COL27A1: variants seen among roughly 807,000 people sequenced by gnomAD.
The protein encoded by COL27A1 is collagen type XXVII alpha 1 chain.
In COL27A1, 106 loss-of-function variants were observed where a neutral mutation model predicts 251.3. The observed-to-expected ratio is 0.42, with a 90% CI of 0.36 to 0.50. COL27A1 has a LOEUF of 0.50. Among genes scored for constraint, COL27A1 ranks in the 20% least tolerant of loss-of-function variants. The pLI, the probability that COL27A1 is intolerant of heterozygous loss-of-function variation, is 0.00. For synonymous variants in COL27A1, 1,000 were observed against 986.3 expected (o/e 1.01, Z -0.26); for missense variants, 2,325 against 2,522.8 (o/e 0.92, Z 1.68).
chr9:114,278,170 G>GTGT (rs1024287874), intron 37 of COL27A1, among the ~76,000 whole-genome samples: 16 of 151,286 alleles, frequency 1.1e-4, no homozygotes, highest in African/African-American at 3.6e-4. Context: ...TGAGTGGATG[G>GTGT]TGTGGGTGGG....
intron 25 of COL27A1, 91 bp downstream of exon 25, chr9:114,250,759 A>C: frequency 8.9e-7 from 1 of 1,128,598 alleles, no homozygotes; most frequent in Non-Finnish European, 1.3e-6. Flanking sequence ...TGGGGATTTC[A>C]GAATACCCTC....
In COL27A1 at chr9:114,237,602, G is replaced by A. The variant is rs747567224; in HGVS notation, c.2674-60G>A. 34 of 1,387,148 alleles carry A rather than the reference G, an allele frequency of 2.5e-5. No homozygotes were observed. The East Asian group carries it at 5.5e-4, about 22-fold the overall frequency. The allele number at this position is 1,387,148 out of a possible 1,614,324, so 85.9% of individuals were successfully genotyped here. ...ATCCACAACCAGCGGGGGAACGCAG[G>A]GGGTTCATGGAAGGTGGGGTCCTCA... On this transcript the variant is annotated intron_variant, in intron 18 of 60. Coordinates refer to ENST00000356083, the MANE Select transcript of COL27A1 (RefSeq NM_032888.4).
chr9:114,173,523 A>C (rs1288784163), intron 3 of COL27A1, among the ~76,000 whole-genome samples: 1 of 152,228 alleles, frequency 6.6e-6, no homozygotes, highest in East Asian at 1.9e-4. Flanking sequence ...CCATTCCCTT[A>C]TTCAGCCATC....
intron 37 of COL27A1, among the ~76,000 whole-genome samples, chr9:114,276,765 G>A (rs73548906): frequency 0.023 from 3,432 of 152,320 alleles, 123 homozygotes; most frequent in African/African-American, 0.078. Flanking sequence ...TCTTCCCTGG[G>A]CCAGGTCCCC....
At chr9:114,176,095 C>T (rs2135132200) in intron 3 of COL27A1, among the ~76,000 whole-genome samples, 1 of 152,284 alleles carries the variant, frequency 6.6e-6, no homozygotes, top group Admixed American at 6.5e-5. Context: ...TGAATCCAGG[C>T]TCTGCCTCTT....
chr9:114,187,469 A>G (rs1828446702), intron 5 of COL27A1, among the ~76,000 whole-genome samples: 2 of 152,234 alleles, frequency 1.3e-5, no homozygotes, highest in South Asian at 2.1e-4. Flanking sequence ...TATTACCCCC[A>G]TTTTACAGAT....
At chr9:114,237,100 G>A in intron 18 of COL27A1, 66 bp downstream of exon 18, 2 of 1,455,444 alleles carry the variant, frequency 1.4e-6, no homozygotes, top group Non-Finnish European at 1.9e-6. Context: ...AATGTGGCTG[G>A]GGACACCTTC....
intron 4 of COL27A1, among the ~76,000 whole-genome samples, chr9:114,182,266 C>G (rs1341912925): frequency 6.6e-6 from 1 of 151,438 alleles, no homozygotes; most frequent in African/African-American, 2.4e-5. Context: ...GTCCCAGCTA[C>G]TCAGGAGGCT....
chr9:114,252,757 C>T, intron 26 of COL27A1, 111 bp downstream of exon 26: 2 of 1,411,756 alleles, frequency 1.4e-6, no homozygotes, highest in Admixed American at 1.7e-5. Context: ...CCAGCTCCCT[C>T]TTTGTCCAGG....
At chr9:114,274,648 C>T (rs958616115) in intron 36 of COL27A1, among the ~76,000 whole-genome samples, 22 of 152,152 alleles carry the variant, frequency 1.4e-4, no homozygotes, top group Non-Finnish European at 2.4e-4. Flanking sequence ...TAGGAGGGCA[C>T]GTTCACCATA....
At chr9:114,179,385 C>T (rs907152213) in intron 4 of COL27A1, among the ~76,000 whole-genome samples, 2 of 152,144 alleles carry the variant, frequency 1.3e-5, no homozygotes, top group African/African-American at 4.8e-5. Flanking sequence ...CCCATGGGAC[C>T]TTGCAGCCTG....
intron 36 of COL27A1, chr9:114,273,178 GC>G (rs1458932184): frequency 6.8e-6 from 1 of 148,070 alleles, no homozygotes; most frequent in Non-Finnish European, 1.5e-5. Flanking sequence ...CCTGGAACAG[GC>G]TGTCTGCCTC....
At chr9:114,244,128 A>G (rs534971523) in intron 23 of COL27A1, among the ~76,000 whole-genome samples, 1 of 152,114 alleles carries the variant, frequency 6.6e-6, no homozygotes, top group Non-Finnish European at 1.5e-5. Flanking sequence ...GAGTTTCACC[A>G]TGTTGACTGG....
At chr9:114,252,240 C>T (rs1833590563) in intron 25 of COL27A1, among the ~76,000 whole-genome samples, 1 of 152,190 alleles carries the variant, frequency 6.6e-6, no homozygotes, top group Non-Finnish European at 1.5e-5. Flanking sequence ...GCAAGCCTAG[C>T]CCAGGGGATG....
intron 5 of COL27A1, among the ~76,000 whole-genome samples, chr9:114,191,002 C>T (rs1402580379): frequency 6.6e-6 from 1 of 152,178 alleles, no homozygotes; most frequent in Admixed American, 6.5e-5. Context: ...GAAGTCATAC[C>T]TTCACCTGTC....
chr9:114,305,172 G>T (rs771989309), intron 57 of COL27A1, among the ~76,000 whole-genome samples: 1 of 152,192 alleles, frequency 6.6e-6, no homozygotes, highest in Non-Finnish European at 1.5e-5. Flanking sequence ...TTGCAGCCTT[G>T]CCTCCTTCAC....
intron 34 of COL27A1, chr9:114,268,995 G>A: frequency 5.6e-6 from 2 of 356,484 alleles, no homozygotes; most frequent in Non-Finnish European, 9.6e-6. Context: ...GTTATTAATA[G>A]GATGATGGTG....
At chr9:114,161,858 G>T (rs1353320501) in intron 1 of COL27A1, among the ~76,000 whole-genome samples, 5 of 152,240 alleles carry the variant, frequency 3.3e-5, no homozygotes, top group Non-Finnish European at 7.3e-5. Flanking sequence ...CCTGGCCCTA[G>T]AGTGTAGGGA....
intron 56 of COL27A1, among the ~76,000 whole-genome samples, chr9:114,304,192 T>C (rs774630512): frequency 5.3e-5 from 8 of 152,110 alleles, no homozygotes; most frequent in Admixed American, 2.0e-4. Context: ...AGATGGTGCA[T>C]TGAAGGGAGG....
Sources: allele counts gnomAD v4.1 joint callset (sites outside exome capture counted in the v4.1 genomes callset), GRCh38; gene constraint gnomAD v4.1.1; transcripts MANE v1.5; gene names NCBI Gene and HGNC (gene_info 2026-07-23, HGNC 2026-07-21).